The following SLC44A1 variants were observed in gnomAD, a reference collection of about 807,000 sequenced individuals.
The protein encoded by SLC44A1 is solute carrier family 44 member 1.
SLC44A1 carries 26 observed loss-of-function variants against 79.3 expected under a neutral mutation model. The observed-to-expected ratio is 0.33, with a 90% CI of 0.24 to 0.46. SLC44A1 has a LOEUF of 0.46. Ranked by LOEUF, SLC44A1 falls within the 20% of genes least tolerant of loss-of-function variation. SLC44A1 has a pLI of 1.00. For missense variants in SLC44A1, 688 were observed against 798.1 expected (o/e 0.86, Z 1.66); for synonymous variants, 263 against 286.2 (o/e 0.92, Z 0.82).
chr9:105,407,704 T>C (rs1450934855), intron 15 of SLC44A1, among the ~76,000 whole-genome samples: 2 of 151,346 alleles, frequency 1.3e-5, no homozygotes, highest in Non-Finnish European at 2.9e-5. Flanking sequence ...GCCTTGTCTA[T>C]ACTAAAAATA....
chr9:105,295,892 CAT>C (rs1271267352), intron 1 of SLC44A1, among the ~76,000 whole-genome samples: 1 of 152,062 alleles, frequency 6.6e-6, no homozygotes, highest in Non-Finnish European at 1.5e-5. Flanking sequence ...ATGTAGAAGA[CAT>C]AATATTTGTA....
intron 3 of SLC44A1, among the ~76,000 whole-genome samples, chr9:105,316,069 G>T (rs907755605): frequency 6.6e-6 from 1 of 152,098 alleles, no homozygotes; most frequent in African/African-American, 2.4e-5. Context: ...TGTGAACTCT[G>T]TTTCCTGGCC....
intron 2 of SLC44A1, among the ~76,000 whole-genome samples, chr9:105,301,721 C>T (rs1393541769): frequency 1.3e-5 from 2 of 152,026 alleles, no homozygotes; most frequent in African/African-American, 4.8e-5. Context: ...TTATCCCCTG[C>T]TTATAGACAA....
At chr9:105,279,083 T>C (rs1008324041) in intron 1 of SLC44A1, among the ~76,000 whole-genome samples, 11 of 151,824 alleles carry the variant, frequency 7.2e-5, no homozygotes, top group African/African-American at 2.4e-4. Flanking sequence ...TACCTCCTTA[T>C]TGATAGTCTA....
Position 105,244,888 on chromosome 9 carries a change from C to T in SLC44A1, c.20C>T (p.Ala7Val). 8.5e-7 allele frequency: 1 copy of T among 1,176,196 alleles called. No individual in the cohort carries two copies. Among genetic ancestry groups the T allele is most frequent in the Non-Finnish European group, 1.0e-6 (1 of 953,446 alleles). The allele number at this position is 1,176,196 out of a possible 1,614,324, so 72.9% of individuals were successfully genotyped here. A position where few individuals can be genotyped will look rare whatever the true frequency, so the allele number is the denominator to read the frequency against. ...CCCGCCATGGGCTGCTGCAGCTCCG[C>T]CTCCTCCGCCGCGCAGGTGAGGGGC... MGCCSS[A>V]SSAAQSSKRE... The change falls in exon 1 of 16, where the codon GCC (alanine) becomes GTC (valine). Residue 7 changes from alanine (A) to valine (V), a missense_variant. By Grantham distance (64) the Ala-to-Val change is moderately conservative (BLOSUM62 0). Transcript: ENST00000374720.
At position 105,309,795 on chromosome 9, in the gene SLC44A1, A is replaced by G. The variant is rs1831129644; in HGVS notation, c.198A>G (p.Gly66=). ...ARLVSGYDSY[G]NICGQKNTKL... is the part of the protein sequence containing the mutation. The stretch of plus-strand genomic sequence containing the variant: ...TAGTGTCAGGATACGACAGCTATGG[A>G]AATATCTGTGGGCAGAAAAATACAA... The change falls in exon 3 of 16, where the codon GGA becomes GGG. Residue 66 remains glycine (G), a synonymous_variant. Transcript: ENST00000374720. 1 of 1,613,586 alleles carries G rather than the reference A, an allele frequency of 6.2e-7. No homozygotes were observed. The highest frequency in any genetic ancestry group is 1.3e-5 in the African/African-American group (1 of 74,928).
At chr9:105,245,437 C>G (rs753111488) in intron 1 of SLC44A1, among the ~76,000 whole-genome samples, 3 of 152,258 alleles carry the variant, frequency 2.0e-5, no homozygotes, top group Non-Finnish European at 2.9e-5. Flanking sequence ...CCGCTGCCCC[C>G]TGGCTGGGTT....
chr9:105,276,276 C>A (rs1830198784), intron 1 of SLC44A1, among the ~76,000 whole-genome samples: 1 of 152,190 alleles, frequency 6.6e-6, no homozygotes, highest in Non-Finnish European at 1.5e-5. Flanking sequence ...TATACCTCTT[C>A]AAATATTTCT....
intron 1 of SLC44A1, among the ~76,000 whole-genome samples, chr9:105,257,849 T>G (rs1348158710): frequency 6.6e-6 from 1 of 151,676 alleles, no homozygotes; most frequent in Non-Finnish European, 1.5e-5. Flanking sequence ...CTGACCAGAG[T>G]GGAGTGAAGA....
At chr9:105,397,595 A>C (rs77258082), downstream of SLC44A1, among the ~76,000 whole-genome samples, 7,530 of 152,274 alleles carry the variant, frequency 0.049, 233 homozygotes, top group South Asian at 0.077. Flanking sequence ...CTGGAGTCTG[A>C]GTTGCCGCGT....
rs1828876302 is a variant in SLC44A1 at position 105,396,433 on chromosome 9, G to A, written c.*7377G>A. On this transcript the variant is annotated 3_prime_UTR_variant, in exon 16 of 16. Coordinates refer to ENST00000374720, the MANE Select transcript of SLC44A1 (RefSeq NM_080546.5). ...AAACCCTATCTTCTGAAGACCAAAG[G>A]TCCAACTTTACTTACTGGCTGGCAC... The A allele has an allele frequency of 1.0e-6, 1 of 985,304 alleles. No homozygotes were observed. Among genetic ancestry groups the A allele is most frequent in the South Asian group, 4.7e-5 (1 of 21,294 alleles). 61.0% of individuals were successfully genotyped at this position (985,304 alleles called of 1,614,324 possible).
Position 105,347,788 on chromosome 9 carries a change from GT to G in SLC44A1, c.407-567del. Among the ~76,000 whole-genome samples the G allele has an allele frequency of 2.0e-5, 3 of 152,074 alleles. No individual in the cohort carries two copies. The South Asian group carries it at 6.2e-4, about 32-fold the overall frequency. On this transcript the variant is annotated intron_variant, in intron 4 of 15. Coordinates refer to ENST00000374720, the MANE Select transcript of SLC44A1 (RefSeq NM_080546.5). Reference sequence around the variant, plus strand: ...TTTCAGTTTATTTACAGTTAGGAATGTTTCCTGCTTTTTAAATAAGTAATGT... The same window carrying G: ...TTTCAGTTTATTTACAGTTAGGAATGTTCCTGCTTTTTAAATAAGTAATGT...
chr9:105,399,855 T>G (rs573453422), downstream of SLC44A1, among the ~76,000 whole-genome samples: 2 of 152,286 alleles, frequency 1.3e-5, no homozygotes, highest in East Asian at 3.9e-4. Flanking sequence ...GCACTGGTAG[T>G]TAACTGGTTA....
intron 1 of SLC44A1, among the ~76,000 whole-genome samples, chr9:105,261,899 C>A (rs1829849734): frequency 1.3e-5 from 2 of 151,454 alleles, no homozygotes; most frequent in African/African-American, 2.4e-5. Context: ...CCTATCTCAG[C>A]CTCCCAAGTA....
At chr9:105,402,324 C>T (rs1039751646), downstream of SLC44A1, among the ~76,000 whole-genome samples, 1 of 151,924 alleles carries the variant, frequency 6.6e-6, no homozygotes, top group Non-Finnish European at 1.5e-5. Flanking sequence ...AGGATTCCAG[C>T]GAGAAATCCA....
At position 105,355,261 on chromosome 9, in the gene SLC44A1, A is replaced by G. The variant is rs971003046; in HGVS notation, c.501-951A>G. 1.2e-4 allele frequency among the ~76,000 whole-genome samples: 18 copies of G among 152,364 alleles called. No homozygotes were observed. The East Asian group carries it at 2.9e-3, about 24-fold the overall frequency. Reference sequence around the variant, plus strand: ...ATTGATTAGTGTATACTGTCCTCTCAGAAGTTGAACCATGTTGTAACAAAA... The same window carrying G: ...ATTGATTAGTGTATACTGTCCTCTCGGAAGTTGAACCATGTTGTAACAAAA... On this transcript the variant is annotated intron_variant, in intron 5 of 15. Coordinates refer to ENST00000374720, the MANE Select transcript of SLC44A1 (RefSeq NM_080546.5).
chr9:105,356,404 G>C, intron 6 of SLC44A1, 23 bp downstream of exon 6: 1 of 1,509,854 alleles, frequency 6.6e-7, no homozygotes, highest in Middle Eastern at 1.7e-4. Flanking sequence ...CTCATTATTA[G>C]CTATTGCATA....
chr9:105,310,414 T>C (rs1389735664), intron 3 of SLC44A1, among the ~76,000 whole-genome samples: 1 of 152,170 alleles, frequency 6.6e-6, no homozygotes, highest in Non-Finnish European at 1.5e-5. Context: ...TAATTGACTG[T>C]TTTCTTCAAA....
At chr9:105,323,266 T>C (rs1219234562) in intron 3 of SLC44A1, among the ~76,000 whole-genome samples, 1 of 149,710 alleles carries the variant, frequency 6.7e-6, no homozygotes. Context: ...AAGGTAGGCA[T>C]GTTTGATTAT....
Sources: gnomAD v4.1 joint callset for allele counts (sites outside exome capture counted in the v4.1 genomes callset) on GRCh38, gnomAD v4.1.1 for gene constraint, MANE v1.5 for transcripts, NCBI Gene and HGNC (gene_info 2026-07-23, HGNC 2026-07-21) for gene names.